C4orf51: variants seen among roughly 807,000 people sequenced by gnomAD.
C4orf51 encodes chromosome 4 open reading frame 51.
In C4orf51, 25 loss-of-function variants were observed where a neutral mutation model predicts 25.2. The observed-to-expected ratio is 0.99, with a 90% CI of 0.72 to 1.39. The LOEUF is 1.39. Ranked by LOEUF, C4orf51 falls within the 40% of genes most tolerant of loss-of-function variation. The pLI is 0.00. For synonymous variants in C4orf51, 100 were observed against 84.5 expected, an observed-to-expected ratio of 1.18 and a Z score of -1.01; for missense variants, 252 against 239.6, an observed-to-expected ratio of 1.05 and a Z score of -0.34.
At chr4:145,772,509 GCCT>G (rs761580745), downstream of C4orf51, among the ~76,000 whole-genome samples, 1 of 152,130 alleles carries the variant, frequency 6.6e-6, no homozygotes, top group African/African-American at 2.4e-5. Context: ...GCTCAAATGA[GCCT>G]CCTGTTTTTA....
downstream of C4orf51, among the ~76,000 whole-genome samples, chr4:145,772,188 C>T (rs1024662860): frequency 2.6e-5 from 4 of 152,190 alleles, no homozygotes; most frequent in African/African-American, 7.2e-5. Context: ...TGAGCTTGCA[C>T]ACAAATATAT....
At chr4:145,772,440 G>A (rs1396802696), downstream of C4orf51, among the ~76,000 whole-genome samples, 1 of 152,112 alleles carries the variant, frequency 6.6e-6, no homozygotes, top group Non-Finnish European at 1.5e-5. Context: ...CTAAATACAG[G>A]AAACCCTTGC....
chr4:145,738,291 A>C (rs948872935), intron 1 of C4orf51, among the ~76,000 whole-genome samples: 2 of 152,048 alleles, frequency 1.3e-5, no homozygotes, highest in African/African-American at 4.8e-5. Flanking sequence ...CTCTACTAAA[A>C]ACACAAAAAT....
intron 1 of C4orf51, among the ~76,000 whole-genome samples, chr4:145,764,052 T>A (rs1199794732): frequency 6.6e-6 from 1 of 152,246 alleles, no homozygotes; most frequent in Non-Finnish European, 1.5e-5. Context: ...GCCACCTCTC[T>A]GGCAGGTTGT....
rs1291391464 is a variant in C4orf51 at position 145,765,883 on chromosome 4, G to T, written n.167-5105G>T. On this transcript the variant is annotated intron_variant and non_coding_transcript_variant, in intron 1 of 1. Coordinates refer to the C4orf51 transcript ENST00000510096. This position sits in a 1 kb window ranked among gnomAD's most constrained non-coding sequence, Gnocchi z 4.7. The stretch of plus-strand genomic sequence containing the variant: ...GTCCCCAGCTCCCCCACTGCTGGGG[G>T]ATCCCAGGTCCTAAGGCACCTACCT... 5 of 759,738 alleles carry T rather than the reference G, an allele frequency of 6.6e-6. No homozygotes were observed. Among genetic ancestry groups the T allele is most frequent in the African/African-American group, 3.6e-5 (2 of 56,166 alleles). 47.1% of individuals were successfully genotyped at this position (759,738 alleles called of 1,614,324 possible). A position where few individuals can be genotyped will look rare whatever the true frequency, so the allele number is the denominator to read the frequency against.
chr4:145,761,773 C>T lies in C4orf51; in HGVS notation n.167-9215C>T, dbSNP rs1174509384. Among the ~76,000 whole-genome samples, 1 of 152,216 alleles carries T rather than the reference C, an allele frequency of 6.6e-6. No individual in the cohort carries two copies. The highest frequency in any genetic ancestry group is 6.5e-5 in the Admixed American group (1 of 15,294). On this transcript the variant is annotated intron_variant and non_coding_transcript_variant, in intron 1 of 1. Coordinates refer to the C4orf51 transcript ENST00000510096. This position sits in a 1 kb window ranked among gnomAD's most constrained non-coding sequence, Gnocchi z 6.8. ...GGTGGAACGGCCCTTTTTGGCTCTC[C>T]CTGCTGACAGAGCAGTCCCCGCTGA...
At position 145,722,707 on chromosome 4, in the gene C4orf51, T is replaced by G. The variant is rs537456099; in HGVS notation, c.308-4204T>G. 9.9e-5 allele frequency among the ~76,000 whole-genome samples: 15 copies of G among 152,260 alleles called. 1 individual carries two copies. The highest frequency in any genetic ancestry group is 3.4e-4 in the African/African-American group (14 of 41,546). ...TACCAGTCCATGGCCTGTTAGGAAGTGGGCTGTACAGCAGGGGGTGTACAG... is the reference window on the plus strand; with the variant it reads ...TACCAGTCCATGGCCTGTTAGGAAGGGGGCTGTACAGCAGGGGGTGTACAG... On this transcript the variant is annotated intron_variant, in intron 2 of 5. Coordinates refer to ENST00000438731, the MANE Select transcript of C4orf51 (RefSeq NM_001080531.3).
downstream of C4orf51, chr4:145,774,529 G>A (rs1736757932): frequency 6.2e-7 from 1 of 1,611,748 alleles, no homozygotes; most frequent in African/African-American, 1.3e-5. Context: ...GCCAATGTGA[G>A]TCTTTATCTC....
intron 1 of C4orf51, among the ~76,000 whole-genome samples, chr4:145,694,044 G>C (rs1405683374): frequency 7.2e-6 from 1 of 139,230 alleles, no homozygotes; most frequent in African/African-American, 2.7e-5. Flanking sequence ...GCCGGGCAGA[G>C]ACGCTCCTCA....
At chr4:145,699,016 A>G (rs1418583220) in intron 2 of C4orf51, among the ~76,000 whole-genome samples, 1 of 151,654 alleles carries the variant, frequency 6.6e-6, no homozygotes, top group Non-Finnish European at 1.5e-5. Context: ...TACCTTGTGA[A>G]AGTCCTTTTC....
downstream of C4orf51, among the ~76,000 whole-genome samples, chr4:145,737,245 T>C (rs1732854902): frequency 6.6e-6 from 1 of 152,236 alleles, no homozygotes; most frequent in South Asian, 2.1e-4. Context: ...CCAAGTTTTA[T>C]TGGAATTAAT....
chr4:145,701,949 C>A (rs992830368), intron 2 of C4orf51, among the ~76,000 whole-genome samples: 5 of 152,096 alleles, frequency 3.3e-5, no homozygotes, highest in African/African-American at 1.2e-4. Context: ...GCCTCCTTCG[C>A]GTCTTCCTCT....
chr4:145,713,771 A>AT (rs889633153), intron 2 of C4orf51, among the ~76,000 whole-genome samples: 53 of 151,478 alleles, frequency 3.5e-4, no homozygotes, highest in South Asian at 8.3e-4. Context: ...TGTCCATTTT[A>AT]TTTTTTTTTA....
chr4:145,694,425 C>T (rs1189596552), intron 1 of C4orf51, among the ~76,000 whole-genome samples: 1 of 122,036 alleles, frequency 8.2e-6, no homozygotes. Flanking sequence ...GTGAGGGGCG[C>T]CTCTGCCCGG....
chr4:145,760,902 G>A, intron 1 of C4orf51: 3 of 1,233,082 alleles, frequency 2.4e-6, no homozygotes, highest in Non-Finnish European at 3.1e-6. Context: ...AGTGGTTCTT[G>A]GGGTATAACA....
chr4:145,791,108 A>G, the C4orf51 span, among the ~76,000 whole-genome samples: 40 of 152,360 alleles, frequency 2.6e-4, no homozygotes, highest in African/African-American at 9.1e-4. Context: ...TCAGGCTGCT[A>G]TAACAAAACA....
At chr4:145,740,728 G>A (rs1733054562) in intron 1 of C4orf51, among the ~76,000 whole-genome samples, 1 of 152,120 alleles carries the variant, frequency 6.6e-6, no homozygotes, top group Non-Finnish European at 1.5e-5. Context: ...GCCCACCATG[G>A]CGACACATGC....
chr4:145,708,984 G>A (rs1730985569), intron 2 of C4orf51, among the ~76,000 whole-genome samples: 1 of 152,210 alleles, frequency 6.6e-6, no homozygotes. Flanking sequence ...ATGTTGAGAA[G>A]GGCATGGAAG....
chr4:145,686,703 C>T (rs1272861337), intron 1 of C4orf51, among the ~76,000 whole-genome samples: 2 of 152,160 alleles, frequency 1.3e-5, no homozygotes, highest in Non-Finnish European at 2.9e-5. Context: ...ACTCCCACCC[C>T]CTTGATAGTC....
Sources: gnomAD v4.1 joint callset for allele counts (sites outside exome capture counted in the v4.1 genomes callset) on GRCh38, gnomAD v4.1.1 for gene constraint, Gnocchi (gnomAD v3.1) non-coding constraint, MANE v1.5 for transcripts, NCBI Gene and HGNC (gene_info 2026-07-23, HGNC 2026-07-21) for gene names.